Variants in CFHR2 observed in about 807,000 individuals in gnomAD.
CFHR2 encodes complement factor H-related protein 2.
Under a neutral mutation model 21.7 loss-of-function variants are expected in CFHR2, and 22 were observed. The ratio of observed to expected loss-of-function variants is 1.01; its 90% CI spans 0.72 to 1.45. The LOEUF is 1.45. Among genes scored for constraint, CFHR2 ranks in the 40% most tolerant of loss-of-function variants. The pLI, the probability that CFHR2 is intolerant of heterozygous loss-of-function variation, is 0.00. For synonymous variants in CFHR2, 98 were observed against 97.4 expected, an observed-to-expected ratio of 1.01 and a Z score of -0.04; for missense variants, 294 against 293.3, an observed-to-expected ratio of 1.00 and a Z score of -0.02.
chr1:196,956,805 A>G (rs1652899868), intron 3 of CFHR2, among the ~76,000 whole-genome samples: 1 of 152,124 alleles, frequency 6.6e-6, no homozygotes, highest in Non-Finnish European at 1.5e-5. Context: ...CCTTAATATG[A>G]AGAGTAATTT....
At chr1:196,949,878 A>G (rs889241136) in intron 2 of CFHR2, among the ~76,000 whole-genome samples, 7 of 152,186 alleles carry the variant, frequency 4.6e-5, no homozygotes, top group African/African-American at 9.7e-5. Flanking sequence ...AAATATATCA[A>G]TTTTTTTAAA....
intron 4 of CFHR2, 22 bp downstream of exon 4, chr1:196,958,095 T>C (rs1285790403): frequency 1.2e-6 from 2 of 1,605,706 alleles, no homozygotes; most frequent in South Asian, 2.2e-5. Context: ...AATATTCTCA[T>C]GGATTCTGGA....
Position 196,959,114 on chromosome 1 carries a change from C to T in CFHR2, c.*34C>T. On this transcript the variant is annotated 3_prime_UTR_variant, in exon 5 of 5. Coordinates refer to ENST00000367415, the MANE Select transcript of CFHR2 (RefSeq NM_005666.4). ...GCATTACTATTAGTAAAATGCACAC[C>T]TTTTTCTGAATTTACTATTATATTT... 7.3e-7 allele frequency: 1 copy of T among 1,370,526 alleles called. No individual in the cohort carries two copies. The highest frequency in any genetic ancestry group is 1.0e-6 in the Non-Finnish European group (1 of 983,702). The allele number at this position is 1,370,526 out of a possible 1,614,324, so 84.9% of individuals were successfully genotyped here.
intron 3 of CFHR2, among the ~76,000 whole-genome samples, chr1:196,953,498 G>T (rs982358696): frequency 6.6e-6 from 1 of 152,076 alleles, no homozygotes; most frequent in African/African-American, 2.4e-5. Flanking sequence ...GGCCAGGCTG[G>T]TCTCCAACTC....
Position 196,950,997 on chromosome 1 carries a change from C to T in CFHR2, c.399C>T (p.Gly133=). The T allele has an allele frequency of 1.2e-6, 2 of 1,613,490 alleles. No homozygotes were observed. Among genetic ancestry groups the T allele is most frequent in the Non-Finnish European group, 1.7e-6 (2 of 1,179,822 alleles). ...ACAACATTTCATGTGTAGAACGGGG[C>T]TGGTCCACTCCTCCCAAATGCAGGT... ...NENNISCVER[G]WSTPPKCRST... Residue 133 remains glycine (G), a synonymous_variant, in exon 3 of 5, where the codon GGC becomes GGT. Coordinates refer to ENST00000367415, the MANE Select transcript of CFHR2 (RefSeq NM_005666.4).
Position 196,948,113 on chromosome 1 carries a change from T to A in CFHR2, c.59-1342T>A, listed in dbSNP as rs531111660. Reference sequence around the variant, plus strand: ...ACCATCGTGTATATGGATGTATATATACATATATACACTAGTCCTTTAGTA... The same window carrying A: ...ACCATCGTGTATATGGATGTATATAAACATATATACACTAGTCCTTTAGTA... On this transcript the variant is annotated intron_variant, in intron 1 of 4. Transcript: ENST00000367415. Among the ~76,000 whole-genome samples, 4 of 152,128 alleles carry A rather than the reference T, an allele frequency of 2.6e-5. No homozygotes were observed. The East Asian group carries it at 7.7e-4, about 29-fold the overall frequency.
chr1:196,955,941 C>T (rs187194711), intron 3 of CFHR2, among the ~76,000 whole-genome samples: 21 of 152,216 alleles, frequency 1.4e-4, no homozygotes, highest in Non-Finnish European at 2.1e-4. Context: ...ATGGCAGAAG[C>T]GGGGGCAGGC....
intron 1 of CFHR2, among the ~76,000 whole-genome samples, chr1:196,946,960 A>G (rs1485115894): frequency 6.6e-6 from 1 of 152,220 alleles, no homozygotes; most frequent in Admixed American, 6.5e-5. Flanking sequence ...TTACACCGGC[A>G]TTGCCACAAA....
At chr1:196,955,185 A>G (rs1041403690) in intron 3 of CFHR2, among the ~76,000 whole-genome samples, 15 of 152,292 alleles carry the variant, frequency 9.8e-5, no homozygotes, top group African/African-American at 2.9e-4. Flanking sequence ...AGTTCCACAC[A>G]TCTTCAGGGC....
Position 196,953,193 on chromosome 1 carries a change from G to A in CFHR2, c.430+2165G>A, listed in dbSNP as rs369717082. The stretch of plus-strand genomic sequence containing the variant: ...GCTGTTATTCCGTTTACAACACCAT[G>A]CAATAACCTTATATGAATAAAGCAG... On this transcript the variant is annotated intron_variant, in intron 3 of 4. Transcript: ENST00000367415. 1.3e-4 allele frequency among the ~76,000 whole-genome samples: 20 copies of A among 152,304 alleles called. No homozygotes were observed. In the South Asian group the frequency reaches 3.9e-3, roughly 30 times the overall value.
At chr1:196,945,864 C>T (rs1246858860) in intron 1 of CFHR2, among the ~76,000 whole-genome samples, 7 of 151,524 alleles carry the variant, frequency 4.6e-5, no homozygotes, top group Middle Eastern at 3.4e-3. Flanking sequence ...CGTCCTTAGG[C>T]GATTTCCTTC....
chr1:196,956,271 TATC>T (rs1203226441), intron 3 of CFHR2, among the ~76,000 whole-genome samples: 1 of 152,242 alleles, frequency 6.6e-6, no homozygotes, highest in East Asian at 1.9e-4. Flanking sequence ...AGTCTTCTGA[TATC>T]ATTCCCTTCT....
At chr1:196,946,974 G>A (rs756168108) in intron 1 of CFHR2, among the ~76,000 whole-genome samples, 1 of 152,260 alleles carries the variant, frequency 6.6e-6, no homozygotes, top group East Asian at 1.9e-4. Context: ...CCACAAACAT[G>A]TGAGTAATAT....
chr1:196,957,898 A>G lies in CFHR2; in HGVS notation c.438A>G (p.Ala146=). ...CAAATGATGTTTTTTTAGTTTCTGC[A>G]GAAAAATGTGGGCCCCCTCCACCTA... ...TPPKCRSTIS[A]EKCGPPPPID... Residue 146 remains alanine, a synonymous_variant, in exon 4 of 5, where the codon GCA becomes GCG. Coordinates refer to ENST00000367415, the MANE Select transcript of CFHR2 (RefSeq NM_005666.4). The G allele has an allele frequency of 3.7e-6, 6 of 1,609,694 alleles. No homozygotes were observed. Among genetic ancestry groups the G allele is most frequent in the Non-Finnish European group, 5.1e-6 (6 of 1,178,074 alleles).
At chr1:196,950,507 T>C (rs1005259491) in intron 2 of CFHR2, among the ~76,000 whole-genome samples, 1 of 152,186 alleles carries the variant, frequency 6.6e-6, no homozygotes, top group Non-Finnish European at 1.5e-5. Flanking sequence ...AGAGTCTCAT[T>C]CTGTCACCCA....
rs1415011030 is a variant in CFHR2 at position 196,959,047 on chromosome 1, G to A, written c.780G>A (p.Gly260=). Residue 260 remains glycine (G), a synonymous_variant, in exon 5 of 5, where the codon GGG becomes GGA. Transcript: ENST00000367415. ...SHSFRAMCQN[G]KLVYPSCEEK is the part of the protein sequence containing the mutation. Reference sequence around the variant, plus strand: ...CATTTCGAGCAATGTGTCAGAATGGGAAACTGGTATATCCCAGTTGTGAAG... The same window carrying A: ...CATTTCGAGCAATGTGTCAGAATGGAAAACTGGTATATCCCAGTTGTGAAG... The A allele has an allele frequency of 1.2e-6, 2 of 1,611,822 alleles. No homozygotes were observed. The highest frequency in any genetic ancestry group is 2.7e-5 in the African/African-American group (2 of 74,870).
intron 3 of CFHR2, among the ~76,000 whole-genome samples, chr1:196,951,524 A>G (rs1450366654): frequency 6.6e-6 from 1 of 152,110 alleles, no homozygotes; most frequent in Non-Finnish European, 1.5e-5. Flanking sequence ...GCATTTGGAA[A>G]ACGATTCTTT....
At chr1:196,952,998 T>C (rs140024133) in intron 3 of CFHR2, among the ~76,000 whole-genome samples, 2 of 152,162 alleles carry the variant, frequency 1.3e-5, no homozygotes, top group African/African-American at 4.8e-5. Context: ...AGCGGAACAC[T>C]CTATGTCCAA....
At position 196,959,518 on chromosome 1, in the gene CFHR2, C is replaced by T. The variant is rs1406391800; in HGVS notation, c.*438C>T. 6.6e-6 allele frequency among the ~76,000 whole-genome samples: 1 copy of T among 151,942 alleles called. No individual in the cohort carries two copies. Among genetic ancestry groups the T allele is most frequent in the Non-Finnish European group, 1.5e-5 (1 of 67,906 alleles). ...CTGAAGGAATTATATCTAGACGTTA[C>T]CCCAGGTATCTTGAAATGTCAATTC... On this transcript the variant is annotated 3_prime_UTR_variant, in exon 5 of 5. Transcript: ENST00000367415.
Sources: allele counts gnomAD v4.1 joint callset (sites outside exome capture counted in the v4.1 genomes callset), GRCh38; gene constraint gnomAD v4.1.1; transcripts MANE v1.5; gene names NCBI Gene and HGNC (gene_info 2026-07-23, HGNC 2026-07-21).